The following KDM3B variants were observed in gnomAD, a reference collection of about 807,000 sequenced individuals.
KDM3B encodes the protein lysine demethylase 3B, also known as lysine-specific demethylase 3B.
A neutral mutation model predicts 170.0 loss-of-function variants in KDM3B; 10 were observed. That is an observed-to-expected ratio of 0.06 (90% CI 0.04 to 0.10). KDM3B has a LOEUF of 0.10. Among genes scored for constraint, KDM3B ranks in the 10% least tolerant of loss-of-function variants. The probability of loss-of-function intolerance (pLI) is 1.00; values close to 1 mark genes in which losing one functional copy is unlikely to be tolerated. For synonymous variants in KDM3B, 831 were observed against 834.8 expected, an observed-to-expected ratio of 1.00 and a Z score of 0.08; for missense variants, 1,394 against 2,195.2, an observed-to-expected ratio of 0.64 and a Z score of 7.29.
intron 6 of KDM3B, among the ~76,000 whole-genome samples, chr5:138,385,113 C>G (rs1469536356): frequency 1.3e-5 from 2 of 151,918 alleles, no homozygotes; most frequent in African/African-American, 4.8e-5. Flanking sequence ...CCTTCCCCTC[C>G]CGGGTTCAAG....
At chr5:138,360,708 A>T (rs969472934) in intron 1 of KDM3B, among the ~76,000 whole-genome samples, 3 of 150,850 alleles carry the variant, frequency 2.0e-5, no homozygotes, top group Non-Finnish European at 4.4e-5. Flanking sequence ...AGTAGCTGGG[A>T]TTACAGGCAA....
Position 138,433,303 on chromosome 5 carries a change from G to A in KDM3B, c.5205+1744G>A, listed in dbSNP as rs573767893. On this transcript the variant is annotated intron_variant, in intron 23 of 23. Coordinates refer to ENST00000314358, the MANE Select transcript of KDM3B (RefSeq NM_016604.4). Reference sequence around the variant, plus strand: ...ATTTTTGTAGTTTTTTAATAGAGACGGGGTTTCACCATCTTGGCCAGGCAG... The same window carrying A: ...ATTTTTGTAGTTTTTTAATAGAGACAGGGTTTCACCATCTTGGCCAGGCAG... 6.6e-5 allele frequency among the ~76,000 whole-genome samples: 10 copies of A among 151,002 alleles called. No homozygotes were observed. In the South Asian group the frequency reaches 1.0e-3, roughly 16 times the overall value.
chr5:138,356,502 T>G (rs1279613934), intron 1 of KDM3B, among the ~76,000 whole-genome samples: 1 of 152,154 alleles, frequency 6.6e-6, no homozygotes, highest in Non-Finnish European at 1.5e-5. Flanking sequence ...ATTTCTTTTA[T>G]TTGTTACTTA....
Position 138,386,030 on chromosome 5 carries a change from G to T in KDM3B, c.789G>T (p.Thr263=). The T allele has an allele frequency of 3.7e-6, 6 of 1,603,474 alleles. No homozygotes were observed. The highest frequency in any genetic ancestry group is 4.3e-6 in the Non-Finnish European group (5 of 1,175,260). ...DNSAPQSEGG[T]LKAVKSSKGK... is the part of the protein sequence containing the mutation. ...TGAATTTTGTTTTGTAGGGGGGTAC[G>T]TTAAAAGCAGTAAAATCTTCCAAAG... Residue 263 remains threonine, a synonymous_variant, in exon 7 of 24, where the codon ACG becomes ACT. Transcript: ENST00000314358.
At chr5:138,386,664 C>CT in intron 7 of KDM3B, 43 bp downstream of exon 7, 1 of 1,576,112 alleles carries the variant, frequency 6.3e-7, no homozygotes, top group Non-Finnish European at 8.6e-7. Context: ...TGGGTTTACT[C>CT]TTTCGCCCTC....
At chr5:138,355,781 C>A (rs1040816167) in intron 1 of KDM3B, among the ~76,000 whole-genome samples, 3 of 151,974 alleles carry the variant, frequency 2.0e-5, no homozygotes, top group African/African-American at 4.8e-5. Context: ...ATAAAACAGA[C>A]CAAAAAAAGA....
intron 9 of KDM3B, among the ~76,000 whole-genome samples, chr5:138,397,343 AC>A: frequency 6.6e-6 from 1 of 151,904 alleles, no homozygotes; most frequent in East Asian, 1.9e-4. Context: ...TCAAAAAAAA[AC>A]TAAAAAATAA....
chr5:138,418,599 CTG>C (rs1396450115), intron 13 of KDM3B, among the ~76,000 whole-genome samples: 2 of 152,170 alleles, frequency 1.3e-5, no homozygotes, highest in African/African-American at 4.8e-5. Flanking sequence ...TAGCATTTAT[CTG>C]TGTCAGAACT....
At chr5:138,425,170 A>G (rs1763363368) in intron 16 of KDM3B, among the ~76,000 whole-genome samples, 1 of 152,228 alleles carries the variant, frequency 6.6e-6, no homozygotes. Context: ...AAACAATGGT[A>G]GGTATTAGGG....
intron 9 of KDM3B, among the ~76,000 whole-genome samples, chr5:138,396,688 G>C (rs1762556031): frequency 6.6e-6 from 1 of 152,082 alleles, no homozygotes; most frequent in African/African-American, 2.4e-5. Flanking sequence ...GTAGTGTCGT[G>C]GTGGGAGCTT....
chr5:138,421,904 C>G (rs1245083377), intron 15 of KDM3B, among the ~76,000 whole-genome samples: 1 of 152,186 alleles, frequency 6.6e-6, no homozygotes, highest in Admixed American at 6.5e-5. Flanking sequence ...CTGTCTTCAA[C>G]TACCACTCTC....
chr5:138,373,728 A>T (rs1023699560), intron 2 of KDM3B, among the ~76,000 whole-genome samples: 7 of 152,192 alleles, frequency 4.6e-5, no homozygotes, highest in Admixed American at 3.9e-4. Flanking sequence ...CAAGCAGTCC[A>T]CCTGCTTCAG....
At chr5:138,397,270 G>A (rs1762572012) in intron 9 of KDM3B, among the ~76,000 whole-genome samples, 1 of 152,104 alleles carries the variant, frequency 6.6e-6, no homozygotes, top group Non-Finnish European at 1.5e-5. Flanking sequence ...CGGAGGAGGC[G>A]TTTGCAGTGA....
chr5:138,387,970 ACTCGGGAGG>A (rs1762322502), intron 7 of KDM3B, among the ~76,000 whole-genome samples: 1 of 152,016 alleles, frequency 6.6e-6, no homozygotes, highest in Admixed American at 6.6e-5. Flanking sequence ...AGTCCCAGCT[ACTCGGGAGG>A]CTGAGGCAGG....
chr5:138,417,215 G>A (rs1285767822), intron 12 of KDM3B, among the ~76,000 whole-genome samples: 1 of 152,226 alleles, frequency 6.6e-6, no homozygotes, highest in Non-Finnish European at 1.5e-5. Context: ...AAGGGGTGTA[G>A]CTTAGTGCTT....
chr5:138,385,566 C>T (rs1204787047), intron 6 of KDM3B, among the ~76,000 whole-genome samples: 3 of 152,160 alleles, frequency 2.0e-5, no homozygotes, highest in Admixed American at 6.5e-5. Context: ...GACTCACAAA[C>T]GTTGGTTTAG....
intron 1 of KDM3B, among the ~76,000 whole-genome samples, chr5:138,362,668 G>T (rs985182399): frequency 6.8e-6 from 1 of 147,654 alleles, no homozygotes; most frequent in Admixed American, 6.7e-5. Flanking sequence ...TTATTTCTAT[G>T]GTTTTGTTAT....
chr5:138,407,532 C>T (rs1485681007), intron 11 of KDM3B, among the ~76,000 whole-genome samples: 3 of 152,106 alleles, frequency 2.0e-5, no homozygotes, highest in African/African-American at 7.2e-5. Flanking sequence ...CAAAATTTTC[C>T]TGGCACGAGA....
At chr5:138,366,370 G>A (rs1268031215) in intron 1 of KDM3B, among the ~76,000 whole-genome samples, 3 of 151,640 alleles carry the variant, frequency 2.0e-5, no homozygotes, top group East Asian at 3.9e-4. Context: ...TCTCACTGTT[G>A]TCCAGGCTGG....
Sources: gnomAD v4.1 joint callset for allele counts (sites outside exome capture counted in the v4.1 genomes callset) on GRCh38, gnomAD v4.1.1 for gene constraint, MANE v1.5 for transcripts, NCBI Gene and HGNC (gene_info 2026-07-23, HGNC 2026-07-21) for gene names.